The following TEKT5 variants were observed in gnomAD, a reference collection of about 807,000 sequenced individuals.
TEKT5 encodes the protein tektin-5.
A neutral mutation model predicts 48.7 loss-of-function variants in TEKT5; 52 were observed. That is an observed-to-expected ratio of 1.07 (90% confidence interval 0.86 to 1.35). The LOEUF (loss-of-function observed/expected upper bound fraction) is 1.35. Ranked by LOEUF, TEKT5 falls within the 40% of genes most tolerant of loss-of-function variation. The pLI, the probability that TEKT5 is intolerant of heterozygous loss-of-function variation, is 0.00. For synonymous variants in TEKT5, 318 were observed against 267.6 expected (o/e 1.19, Z -1.84); for missense variants, 831 against 641.6 (o/e 1.30, Z -3.19).
chr16:10,643,018 T>G (rs933758687), intron 5 of TEKT5, among the ~76,000 whole-genome samples: 1 of 152,136 alleles, frequency 6.6e-6, no homozygotes, highest in Non-Finnish European at 1.5e-5. Flanking sequence ...ATGACGGAAA[T>G]GCAAGTTACC....
intron 4 of TEKT5, among the ~76,000 whole-genome samples, chr16:10,678,463 C>T (rs900603865): frequency 3.3e-5 from 5 of 152,094 alleles, no homozygotes; most frequent in Non-Finnish European, 5.9e-5. Context: ...AATCATATAG[C>T]TTGTGTGATT....
intron 5 of TEKT5, among the ~76,000 whole-genome samples, chr16:10,672,296 G>C (rs998759264): frequency 5.9e-5 from 9 of 152,106 alleles, no homozygotes; most frequent in African/African-American, 1.9e-4. Flanking sequence ...AACATTGCAG[G>C]CTGGGCATGG....
intron 6 of TEKT5, among the ~76,000 whole-genome samples, chr16:10,629,253 A>AT (rs1010012795): frequency 0.024 from 3,513 of 144,608 alleles, 62 homozygotes; most frequent in African/African-American, 0.048. Flanking sequence ...TTTTATCACA[A>AT]TTTTTTTTTT....
At chr16:10,675,860 C>G in intron 5 of TEKT5, 99 bp downstream of exon 5, 1 of 1,249,988 alleles carries the variant, frequency 8.0e-7, no homozygotes, top group East Asian at 2.3e-5. Context: ...TGCTTTGGCA[C>G]CAGGGGCAGG....
At chr16:10,687,382 A>G (rs1266446795) in intron 3 of TEKT5, among the ~76,000 whole-genome samples, 3 of 152,252 alleles carry the variant, frequency 2.0e-5, no homozygotes, top group African/African-American at 7.2e-5. Context: ...AATAAGTGTA[A>G]GAAAAATGCA....
intron 4 of TEKT5, among the ~76,000 whole-genome samples, chr16:10,680,860 G>A (rs1321857856): frequency 9.0e-6 from 1 of 111,074 alleles, no homozygotes; most frequent in Non-Finnish European, 1.8e-5. Flanking sequence ...GGACTGTTGT[G>A]GGGTGGGGGG....
At chr16:10,654,119 T>C (rs1247411413) in intron 5 of TEKT5, among the ~76,000 whole-genome samples, 1 of 152,118 alleles carries the variant, frequency 6.6e-6, no homozygotes, top group African/African-American at 2.4e-5. Context: ...GGCACTATTA[T>C]GGCTCACTGC....
intron 5 of TEKT5, among the ~76,000 whole-genome samples, chr16:10,660,697 GTGTGTGTT>G (rs1164921128): frequency 1.0e-5 from 1 of 98,686 alleles, no homozygotes; most frequent in Non-Finnish European, 2.4e-5. Flanking sequence ...GTGTGTGTGT[GTGTGTGTT>G]ATTTATTTAT....
At chr16:10,636,690 C>CGTGTGTGTGTGTGTGT (rs34623422) in intron 5 of TEKT5, among the ~76,000 whole-genome samples, 2 of 145,182 alleles carry the variant, frequency 1.4e-5, no homozygotes, top group Non-Finnish European at 3.0e-5. Flanking sequence ...TACATACATA[C>CGTGTGTGTGTGTGTGT]GTGTGTGTGT....
At chr16:10,665,962 AG>A (rs1898448947) in intron 5 of TEKT5, among the ~76,000 whole-genome samples, 1 of 152,196 alleles carries the variant, frequency 6.6e-6, no homozygotes, top group East Asian at 1.9e-4. Context: ...TCAACAGAAC[AG>A]GGGCTGGGCG....
At position 10,678,070 on chromosome 16, in the gene TEKT5, G is replaced by T. The variant is rs748695901; in HGVS notation, c.864-1889C>A. On this transcript the variant is annotated intron_variant, in intron 4 of 6. Transcript: ENST00000283025. ...ACAAGCAACCAATGGACTATGTGGG[G>T]TTTTCTCATCTGGGAAGGCTTTGAG... 7.2e-4 allele frequency among the ~76,000 whole-genome samples: 109 copies of T among 152,140 alleles called. 1 individual carries two copies. The highest frequency in any genetic ancestry group is 3.1e-3 in the Admixed American group (47 of 15,260).
chr16:10,691,825 G>T (rs1421028304), intron 1 of TEKT5, among the ~76,000 whole-genome samples: 8 of 151,812 alleles, frequency 5.3e-5, no homozygotes, highest in African/African-American at 1.7e-4. Flanking sequence ...GCGGGCGCCT[G>T]TAGTCCCAGC....
intron 5 of TEKT5, 99 bp downstream of exon 5, chr16:10,675,860 C>T (rs1377614417): frequency 3.2e-6 from 4 of 1,249,870 alleles, no homozygotes; most frequent in Non-Finnish European, 4.6e-6. Context: ...TGCTTTGGCA[C>T]CAGGGGCAGG....
chr16:10,683,666 C>A (rs1052684721), intron 3 of TEKT5, among the ~76,000 whole-genome samples: 2 of 152,218 alleles, frequency 1.3e-5, no homozygotes, highest in Non-Finnish European at 2.9e-5. Flanking sequence ...TCTCAGCTCA[C>A]TGCAACTTCC....
intron 5 of TEKT5, among the ~76,000 whole-genome samples, chr16:10,648,886 C>T (rs1332391455): frequency 7.2e-5 from 11 of 152,242 alleles, no homozygotes; most frequent in African/African-American, 2.4e-5. Flanking sequence ...CTACCCTCTG[C>T]TTACAGCAAG....
At chr16:10,640,789 ATGT>A (rs1374320894) in intron 5 of TEKT5, among the ~76,000 whole-genome samples, 1 of 152,182 alleles carries the variant, frequency 6.6e-6, no homozygotes, top group South Asian at 2.1e-4. Flanking sequence ...AGAATTATTC[ATGT>A]TGTTGTGTGT....
chr16:10,670,080 T>C (rs1334739027), intron 5 of TEKT5, among the ~76,000 whole-genome samples: 2 of 152,238 alleles, frequency 1.3e-5, no homozygotes, highest in South Asian at 2.1e-4. Flanking sequence ...CGTGGAGCCG[T>C]GTAGATTTGG....
At chr16:10,666,580 A>G (rs2719682) in intron 5 of TEKT5, among the ~76,000 whole-genome samples, 51,959 of 152,102 alleles carry the variant, frequency 0.34, 10,059 homozygotes, top group East Asian at 0.54. Flanking sequence ...GACAACCACT[A>G]CAGTGAAGAA....
In TEKT5 at chr16:10,627,904, A is replaced by G. The variant is rs551214565; in HGVS notation, c.1242-105T>C. On this transcript the variant is annotated intron_variant, in intron 6 of 6. Transcript: ENST00000283025. ...GTCACCCAGGCTGGAGTGCAGTGGC[A>G]CAATCTCGGCTCACTGCAACCTCTG... The G allele has an allele frequency of 8.1e-3, 8,701 of 1,080,180 alleles. 56 individuals are homozygous for G. Among genetic ancestry groups the G allele is most frequent in the Non-Finnish European group, 8.9e-3 (6,708 of 753,008 alleles). The allele number at this position is 1,080,180 out of a possible 1,614,324, so 66.9% of individuals were successfully genotyped here.
Sources: allele counts gnomAD v4.1 joint callset (sites outside exome capture counted in the v4.1 genomes callset), GRCh38; gene constraint gnomAD v4.1.1; transcripts MANE v1.5; gene names NCBI Gene and HGNC (gene_info 2026-07-23, HGNC 2026-07-21).